MYT1L: variants seen among roughly 807,000 people sequenced by gnomAD.
MYT1L encodes the protein myelin transcription factor 1 like.
A neutral mutation model predicts 126.7 loss-of-function variants in MYT1L; 12 were observed. That is an observed-to-expected ratio of 0.09 (90% CI 0.06 to 0.15). The LOEUF is 0.15. MYT1L is among the 10% of genes least tolerant of loss of function. The probability of loss-of-function intolerance (pLI) is 1.00; values close to 1 mark genes in which losing one functional copy is unlikely to be tolerated. For missense variants in MYT1L, 979 were observed against 1,585.2 expected (o/e 0.62, Z 6.49); for synonymous variants, 541 against 604.2 (o/e 0.90, Z 1.53).
At chr2:2,321,331 C>T (rs542549694) in intron 1 of MYT1L, among the ~76,000 whole-genome samples, 55 of 152,190 alleles carry the variant, frequency 3.6e-4, no homozygotes, top group Non-Finnish European at 6.0e-4. Flanking sequence ...AGAGCAGACT[C>T]GGTTTGATGG....
chr2:1,828,987 T>C (rs73913422), intron 21 of MYT1L, among the ~76,000 whole-genome samples: 5,953 of 152,194 alleles, frequency 0.039, 390 homozygotes, highest in African/African-American at 0.14. Context: ...AGAACTGAAG[T>C]GGTGGCAAAA....
chr2:2,317,053 G>A (rs1485520744), intron 1 of MYT1L, among the ~76,000 whole-genome samples: 6 of 151,648 alleles, frequency 4.0e-5, no homozygotes, highest in African/African-American at 9.7e-5. Context: ...TCCTGACCTC[G>A]TGATCCGCCC....
intron 3 of MYT1L, among the ~76,000 whole-genome samples, chr2:2,063,993 A>G (rs1413945698): frequency 6.6e-6 from 1 of 152,232 alleles, no homozygotes; most frequent in Non-Finnish European, 1.5e-5. Flanking sequence ...GAATCTCTAG[A>G]AATTTAATGT....
At chr2:2,114,079 T>C (rs947487454) in intron 3 of MYT1L, among the ~76,000 whole-genome samples, 1 of 152,098 alleles carries the variant, frequency 6.6e-6, no homozygotes, top group African/African-American at 2.4e-5. Context: ...ATTATACAGA[T>C]AGGAAAATAG....
chr2:2,313,209 A>G (rs1223673321), intron 1 of MYT1L, among the ~76,000 whole-genome samples: 1 of 152,190 alleles, frequency 6.6e-6, no homozygotes, highest in Non-Finnish European at 1.5e-5. Flanking sequence ...GCATCTTTAT[A>G]AAAAGTAAAG....
chr2:2,000,241 G>A (rs1178048047), intron 4 of MYT1L, among the ~76,000 whole-genome samples: 2 of 151,792 alleles, frequency 1.3e-5, no homozygotes, highest in Non-Finnish European at 2.9e-5. Flanking sequence ...TCCGTCCTCC[G>A]AGCCTCTGCG....
At chr2:2,322,891 C>T (rs1390800579) in intron 1 of MYT1L, among the ~76,000 whole-genome samples, 1 of 152,070 alleles carries the variant, frequency 6.6e-6, no homozygotes, top group Non-Finnish European at 1.5e-5. Flanking sequence ...TGCTTGAAAA[C>T]AATCTGATAT....
intron 9 of MYT1L, among the ~76,000 whole-genome samples, chr2:1,927,679 G>C (rs2054415931): frequency 6.6e-6 from 1 of 152,188 alleles, no homozygotes; most frequent in Non-Finnish European, 1.5e-5. Flanking sequence ...GGAGGGGACT[G>C]TACTCCAAAG....
intron 1 of MYT1L, among the ~76,000 whole-genome samples, chr2:2,287,030 GCGGATCACCTGAGGT>G (rs1249100492): frequency 6.6e-6 from 1 of 152,192 alleles, no homozygotes; most frequent in African/African-American, 2.4e-5. Context: ...GCCAAGGCAG[GCGGATCACCTGAGGT>G]CGGGAGTTCG....
At chr2:2,247,446 C>T (rs927304757) in intron 2 of MYT1L, among the ~76,000 whole-genome samples, 1 of 152,168 alleles carries the variant, frequency 6.6e-6, no homozygotes, top group African/African-American at 2.4e-5. Flanking sequence ...GAGACTTCAA[C>T]ACCCCACTTT....
chr2:2,212,130 C>A (rs17338484), intron 2 of MYT1L, among the ~76,000 whole-genome samples: 1 of 152,038 alleles, frequency 6.6e-6, no homozygotes, highest in South Asian at 2.1e-4. Flanking sequence ...CGTATATAAG[C>A]TTTATACTTG....
chr2:1,892,615 G>C lies in MYT1L; in HGVS notation c.2033-328C>G, dbSNP rs971634727. Among the ~76,000 whole-genome samples the C allele has an allele frequency of 2.0e-5, 3 of 151,602 alleles. No homozygotes were observed. The East Asian group carries it at 5.9e-4, about 30-fold the overall frequency. On this transcript the variant is annotated intron_variant, in intron 14 of 24. Coordinates refer to ENST00000647738, the MANE Select transcript of MYT1L (RefSeq NM_001303052.2). ...TGGTCCCTCGAAAGACAGACACACG[G>C]CTGGCTAGCTTTTAGGAGCCGCAGG...
chr2:2,216,015 T>C (rs2093665794), intron 2 of MYT1L, among the ~76,000 whole-genome samples: 1 of 151,812 alleles, frequency 6.6e-6, no homozygotes, highest in African/African-American at 2.4e-5. Context: ...CTCTCCTCTT[T>C]CTCTCTCTCT....
intron 20 of MYT1L, among the ~76,000 whole-genome samples, chr2:1,840,220 G>A (rs2041479344): frequency 6.6e-6 from 1 of 152,098 alleles, no homozygotes; most frequent in African/African-American, 2.4e-5. Context: ...GAGGCTTACT[G>A]TGTGGGTTTT....
Position 1,978,691 on chromosome 2 carries a change from T to C in MYT1L, c.152+474A>G, listed in dbSNP as rs145236439. Among the ~76,000 whole-genome samples, 459 of 152,214 alleles carry C rather than the reference T, an allele frequency of 3.0e-3. 2 individuals carry two copies. The highest frequency in any genetic ancestry group is 0.011 in the African/African-American group (444 of 41,528). On this transcript the variant is annotated intron_variant, in intron 8 of 24. Coordinates refer to ENST00000647738, the MANE Select transcript of MYT1L (RefSeq NM_001303052.2). ...TTGACCTGACCTCACCCTGCAGCCGTCCAGATGTAAGAATGGGCTTAGTTT... is the reference window on the plus strand; with the variant it reads ...TTGACCTGACCTCACCCTGCAGCCGCCCAGATGTAAGAATGGGCTTAGTTT...
At chr2:2,115,400 T>C (rs928243304) in intron 3 of MYT1L, among the ~76,000 whole-genome samples, 1 of 152,168 alleles carries the variant, frequency 6.6e-6, no homozygotes, top group African/African-American at 2.4e-5. Flanking sequence ...CAATAAAAAT[T>C]TCAACAGGGA....
chr2:2,120,043 G>A lies in MYT1L; in HGVS notation c.-304+52829C>T, dbSNP rs554380533. Among the ~76,000 whole-genome samples the A allele has an allele frequency of 3.9e-4, 60 of 152,246 alleles. No individual in the cohort carries two copies. In the South Asian group the frequency reaches 0.012, roughly 32 times the overall value. ...ATGAGGGAAATGGAGATCAACCTTA[G>A]GAGATTTGCCCAGCTCGTTACAAAA... On this transcript the variant is annotated intron_variant, in intron 3 of 24. Transcript: ENST00000647738.
chr2:2,277,892 C>G (rs1362354749), intron 2 of MYT1L, among the ~76,000 whole-genome samples: 1 of 152,092 alleles, frequency 6.6e-6, no homozygotes, highest in Admixed American at 6.5e-5. Context: ...TAGTATATTC[C>G]TAGCAAAATT....
Position 2,275,206 on chromosome 2 carries a change from G to A in MYT1L, c.-421+9198C>T, listed in dbSNP as rs1396497234. 1.0e-3 allele frequency among the ~76,000 whole-genome samples: 62 copies of A among 62,046 alleles called. 2 individuals are homozygous for A. In the South Asian group the frequency reaches 0.043, roughly 43 times the overall value. The allele number at this position is 62,046 out of a possible 152,430, so 40.7% of individuals were successfully genotyped here. ...TCAAGAAAATATAATAATAAAATGT[G>A]TGTGTGTGTGTGTGTGTGTGTGTGT... On this transcript the variant is annotated intron_variant, in intron 2 of 24. Transcript: ENST00000647738.
Sources: gnomAD v4.1 joint callset for allele counts (sites outside exome capture counted in the v4.1 genomes callset) on GRCh38, gnomAD v4.1.1 for gene constraint, MANE v1.5 for transcripts, NCBI Gene and HGNC (gene_info 2026-07-23, HGNC 2026-07-21) for gene names.